Variants in RYR3 observed in about 807,000 individuals in gnomAD.
RYR3 encodes the protein brain ryanodine receptor-calcium release channel.
RYR3 carries 207 observed loss-of-function variants against 584.3 expected under a neutral mutation model. The ratio of observed to expected loss-of-function variants is 0.35; its 90% CI spans 0.32 to 0.40. The LOEUF (loss-of-function observed/expected upper bound fraction) is 0.40. Among genes scored for constraint, RYR3 ranks in the 10% least tolerant of loss-of-function variants. RYR3 has a pLI of 1.00. For missense variants in RYR3, 5,616 were observed against 6,089.2 expected (o/e 0.92, Z 2.59); for synonymous variants, 2,416 against 2,248.5 (o/e 1.07, Z -2.11).
chr15:33,521,867 G>T (rs2054010200), intron 3 of RYR3, among the ~76,000 whole-genome samples: 1 of 152,148 alleles, frequency 6.6e-6, no homozygotes, highest in African/African-American at 2.4e-5. Flanking sequence ...GCAACTGCTA[G>T]CTGACCAAGT....
In RYR3 at chr15:33,641,605, G is replaced by A. The variant is rs562367109; in HGVS notation, c.3557-2706G>A. ...TCGTTTTCTCCAAGAGAAAGCGCTG[G>A]TGCTTAATGAGAATTAATCTTTCCT... On this transcript the variant is annotated intron_variant, in intron 27 of 103. Coordinates refer to ENST00000634891, the MANE Select transcript of RYR3 (RefSeq NM_001036.6). 3.7e-4 allele frequency among the ~76,000 whole-genome samples: 57 copies of A among 152,298 alleles called. 1 individual carries two copies. In the South Asian group the frequency reaches 0.011, roughly 29 times the overall value.
intron 1 of RYR3, among the ~76,000 whole-genome samples, chr15:33,410,290 C>A (rs992632972): frequency 3.3e-5 from 5 of 152,174 alleles, no homozygotes; most frequent in Non-Finnish European, 5.9e-5. Flanking sequence ...GAACAGGAGC[C>A]TTTGATTCTT....
chr15:33,628,645 T>G, intron 21 of RYR3, 70 bp downstream of exon 21: 1 of 962,470 alleles, frequency 1.0e-6, no homozygotes, highest in East Asian at 2.4e-5. Context: ...TTCTTCCTGC[T>G]GCATGCCTAG....
intron 45 of RYR3, among the ~76,000 whole-genome samples, chr15:33,725,976 CAAAAA>C (rs61503360): frequency 6.3e-5 from 2 of 31,516 alleles, no homozygotes; most frequent in African/African-American, 1.1e-4. Flanking sequence ...TCCCCCCCCC[CAAAAA>C]AAAAAAAAAA....
At chr15:33,414,736 C>T (rs2043666424) in intron 1 of RYR3, among the ~76,000 whole-genome samples, 2 of 152,114 alleles carry the variant, frequency 1.3e-5, no homozygotes, top group South Asian at 4.1e-4. Context: ...TCCCAAGTAG[C>T]TGGGACTATA....
At chr15:33,543,952 A>G (rs1213292045) in intron 8 of RYR3, among the ~76,000 whole-genome samples, 2 of 152,044 alleles carry the variant, frequency 1.3e-5, no homozygotes, top group Non-Finnish European at 2.9e-5. Context: ...AGATCCCTTC[A>G]TTTTCTTTGG....
chr15:33,636,603 T>C (rs2061512271), intron 27 of RYR3, 53 bp downstream of exon 27: 5 of 1,486,976 alleles, frequency 3.4e-6, no homozygotes, highest in South Asian at 2.7e-5. Context: ...GAGGAAAATA[T>C]AGGGAGAGCT....
intron 1 of RYR3, among the ~76,000 whole-genome samples, chr15:33,317,109 C>T (rs867748622): frequency 6.6e-5 from 10 of 152,190 alleles, no homozygotes; most frequent in African/African-American, 1.9e-4. Context: ...CCAAAGCTAC[C>T]GTTTCCCATA....
intron 98 of RYR3, among the ~76,000 whole-genome samples, chr15:33,855,241 A>T (rs1342793651): frequency 1.3e-5 from 2 of 151,740 alleles, no homozygotes; most frequent in Non-Finnish European, 2.9e-5. Flanking sequence ...TGTGTAGCCC[A>T]GGCTGGAGTG....
chr15:33,430,232 A>G (rs1433075404), intron 1 of RYR3, among the ~76,000 whole-genome samples: 1 of 152,266 alleles, frequency 6.6e-6, no homozygotes, highest in East Asian at 1.9e-4. Context: ...ATGCCAAGCA[A>G]GGAGAATCGG....
chr15:33,507,824 T>C (rs557660400), intron 3 of RYR3, among the ~76,000 whole-genome samples: 13 of 152,266 alleles, frequency 8.5e-5, no homozygotes, highest in Admixed American at 1.3e-4. Context: ...ACTTTCCACA[T>C]CTTCAAGATG....
intron 5 of RYR3, among the ~76,000 whole-genome samples, chr15:33,537,211 A>G (rs192554787): frequency 2.6e-4 from 39 of 152,300 alleles, no homozygotes; most frequent in Non-Finnish European, 3.5e-4. Flanking sequence ...AAACTTTCCT[A>G]TAGAAGTGAA....
rs144391419 is a variant in RYR3, at chr15:33,646,983, A to G, written c.3942-441A>G. On this transcript the variant is annotated intron_variant, in intron 29 of 103. Coordinates refer to ENST00000634891, the MANE Select transcript of RYR3 (RefSeq NM_001036.6). The stretch of plus-strand genomic sequence containing the variant: ...GACTTCTTTCTTCCTGATCAGTAAC[A>G]TATCCCTTGCTGTCTTTCTTTCCCC... Among the ~76,000 whole-genome samples, 952 of 152,298 alleles carry G rather than the reference A, an allele frequency of 6.3e-3. 5 individuals are homozygous for G. Among genetic ancestry groups the G allele is most frequent in the Middle Eastern group, 0.01 (3 of 294 alleles).
intron 1 of RYR3, among the ~76,000 whole-genome samples, chr15:33,408,252 G>A (rs2043159026): frequency 6.6e-6 from 1 of 152,148 alleles, no homozygotes; most frequent in African/African-American, 2.4e-5. Flanking sequence ...GTGAGAACAT[G>A]TATTCAGTTT....
chr15:33,838,421 C>T lies in RYR3; in HGVS notation c.12441C>T (p.Ala4147=), dbSNP rs1288148751. 1.9e-6 allele frequency: 3 copies of T among 1,613,994 alleles called. No homozygotes were observed. The highest frequency in any genetic ancestry group is 1.7e-6 in the Non-Finnish European group (2 of 1,179,898). ...CCTCTGCATTTGCTATGGCCTGTGCCTCTGTGAAGAGGAATGTCACCGACT... is the reference window on the plus strand; with the variant it reads ...CCTCTGCATTTGCTATGGCCTGTGCTTCTGTGAAGAGGAATGTCACCGACT... ...EPASAFAMAC[A]SVKRNVTDFL... Residue 4147 remains alanine, a synonymous_variant, in exon 89 of 104, where the codon GCC becomes GCT. Transcript: ENST00000634891.
chr15:33,702,659 G>A (rs141144366), intron 42 of RYR3, among the ~76,000 whole-genome samples: 2 of 152,236 alleles, frequency 1.3e-5, no homozygotes, highest in African/African-American at 2.4e-5. Context: ...TCTCTGAGCT[G>A]CAGATAGAGC....
rs1157640112 is a variant in RYR3 at position 33,861,250 on chromosome 15, G to C, written c.14465+72G>C. On this transcript the variant is annotated intron_variant, in intron 102 of 103. Coordinates refer to ENST00000634891, the MANE Select transcript of RYR3 (RefSeq NM_001036.6). ...AAAGCCAATTAGGTCATATAGTTCA[G>C]TCTCTGCTGGAAAAAGAGTAACCAG... The C allele has an allele frequency of 6.3e-6, 7 of 1,119,278 alleles. No homozygotes were observed. In the East Asian group the frequency reaches 1.3e-4, roughly 21 times the overall value. The allele number at this position is 1,119,278 out of a possible 1,614,324, so 69.3% of individuals were successfully genotyped here.
At chr15:33,316,902 T>A (rs1347182183) in intron 1 of RYR3, among the ~76,000 whole-genome samples, 3 of 152,208 alleles carry the variant, frequency 2.0e-5, no homozygotes, top group African/African-American at 7.2e-5. Flanking sequence ...CAGCCTCTAG[T>A]GTTGGGCTCA....
At chr15:33,859,466 C>G (rs931258306) in intron 99 of RYR3, 109 bp from the exon 100 acceptor site, 1 of 1,234,896 alleles carries the variant, frequency 8.1e-7, no homozygotes, top group Non-Finnish European at 1.2e-6. Context: ...GTTCCCCTCT[C>G]GTGGCTTAGG....
Sources: allele counts gnomAD v4.1 joint callset (sites outside exome capture counted in the v4.1 genomes callset), GRCh38; gene constraint gnomAD v4.1.1; transcripts MANE v1.5; gene names NCBI Gene and HGNC (gene_info 2026-07-23, HGNC 2026-07-21).